The following CNTNAP5 variants were observed in gnomAD, a reference collection of about 807,000 sequenced individuals.
The protein encoded by CNTNAP5 is contactin associated protein family member 5, also known as contactin-associated protein-like 5.
In CNTNAP5, 72 loss-of-function variants were observed where a neutral mutation model predicts 150.2. The ratio of observed to expected loss-of-function variants is 0.48; its 90% CI spans 0.40 to 0.58. The LOEUF (loss-of-function observed/expected upper bound fraction) is 0.58. Ranked by LOEUF, CNTNAP5 falls within the 20% of genes least tolerant of loss-of-function variation. The pLI is 0.00. For missense variants in CNTNAP5, 1,636 were observed against 1,626.2 expected, an observed-to-expected ratio of 1.01 and a Z score of -0.10; for synonymous variants, 672 against 619.8, an observed-to-expected ratio of 1.08 and a Z score of -1.25.
chr2:124,786,818 T>C (rs1406967114), intron 17 of CNTNAP5, among the ~76,000 whole-genome samples: 1 of 152,088 alleles, frequency 6.6e-6, no homozygotes, highest in East Asian at 1.9e-4. Context: ...ACATAGTAGG[T>C]AAAAAGGGCC....
chr2:124,075,697 A>G (rs887215482), intron 1 of CNTNAP5, among the ~76,000 whole-genome samples: 1 of 152,122 alleles, frequency 6.6e-6, no homozygotes, highest in Non-Finnish European at 1.5e-5. Context: ...AAGCAACACA[A>G]CTACACATTT....
chr2:124,812,986 T>A (rs1682270677), intron 19 of CNTNAP5, among the ~76,000 whole-genome samples: 2 of 152,184 alleles, frequency 1.3e-5, no homozygotes, highest in African/African-American at 2.4e-5. Context: ...CTTGGCCACT[T>A]CTCAGTCTTC....
At chr2:124,523,915 A>T (rs1213168755) in intron 8 of CNTNAP5, among the ~76,000 whole-genome samples, 1 of 151,558 alleles carries the variant, frequency 6.6e-6, no homozygotes, top group Non-Finnish European at 1.5e-5. Flanking sequence ...TCTTAACTCT[A>T]CCACTCAGTT....
intron 3 of CNTNAP5, among the ~76,000 whole-genome samples, chr2:124,321,207 C>T (rs762533965): frequency 3.3e-5 from 5 of 151,958 alleles, no homozygotes; most frequent in East Asian, 1.9e-4. Flanking sequence ...TTTGAGAGGC[C>T]GAGGCAGGCG....
chr2:124,155,461 CGT>C (rs1356271271), intron 1 of CNTNAP5, among the ~76,000 whole-genome samples: 1 of 151,532 alleles, frequency 6.6e-6, no homozygotes. Flanking sequence ...TGTGTGCGCG[CGT>C]GTGTGGTGTG....
chr2:124,262,366 C>A (rs1687480614), intron 3 of CNTNAP5, among the ~76,000 whole-genome samples: 1 of 152,130 alleles, frequency 6.6e-6, no homozygotes, highest in South Asian at 2.1e-4. Context: ...ATTGTACACA[C>A]AATAAATCCA....
At chr2:124,448,160 C>A (rs1012106542) in intron 6 of CNTNAP5, among the ~76,000 whole-genome samples, 8 of 151,946 alleles carry the variant, frequency 5.3e-5, no homozygotes, top group Admixed American at 3.9e-4. Context: ...TCCTGATACT[C>A]AGGAGGCTGA....
chr2:124,556,446 T>C (rs1190961007), intron 10 of CNTNAP5, among the ~76,000 whole-genome samples: 1 of 152,186 alleles, frequency 6.6e-6, no homozygotes, highest in Non-Finnish European at 1.5e-5. Context: ...AAAAAAAGTT[T>C]GGTTAAAAAT....
At chr2:124,597,696 G>C (rs1696864627) in intron 11 of CNTNAP5, among the ~76,000 whole-genome samples, 1 of 151,684 alleles carries the variant, frequency 6.6e-6, no homozygotes, top group Non-Finnish European at 1.5e-5. Flanking sequence ...GGCCTGCCTT[G>C]CTAGATTGGA....
chr2:124,720,731 A>T (rs1420712890), intron 13 of CNTNAP5, among the ~76,000 whole-genome samples: 1 of 152,222 alleles, frequency 6.6e-6, no homozygotes, highest in African/African-American at 2.4e-5. Context: ...ACTTTGAATC[A>T]ATTTGCTATA....
At chr2:124,716,594 A>G (rs1287831675) in intron 13 of CNTNAP5, among the ~76,000 whole-genome samples, 1 of 147,930 alleles carries the variant, frequency 6.8e-6, no homozygotes, top group Non-Finnish European at 1.5e-5. Flanking sequence ...ATATAAGGGC[A>G]TTGAAAAACT....
At position 124,604,950 on chromosome 2, in the gene CNTNAP5, C is replaced by T. The variant is rs146397097; in HGVS notation, c.1757-4851C>T. On this transcript the variant is annotated intron_variant, in intron 11 of 23. Transcript: ENST00000682447. The stretch of plus-strand genomic sequence containing the variant: ...TAAAATCCATGTCTACCCTATTGAT[C>T]CATTTCATTTAGCTTCTTGGGATTT... 1.6e-3 allele frequency among the ~76,000 whole-genome samples: 247 copies of T among 152,278 alleles called. 2 individuals are homozygous for T. The highest frequency in any genetic ancestry group is 3.4e-3 in the Middle Eastern group (1 of 294).
intron 1 of CNTNAP5, among the ~76,000 whole-genome samples, chr2:124,189,336 T>A (rs946380226): frequency 6.6e-6 from 1 of 152,192 alleles, no homozygotes; most frequent in Admixed American, 6.5e-5. Context: ...TAAGCCTTGC[T>A]AGCCAGAATG....
At chr2:124,751,639 C>T (rs1680729867) in intron 14 of CNTNAP5, among the ~76,000 whole-genome samples, 1 of 152,208 alleles carries the variant, frequency 6.6e-6, no homozygotes, top group Admixed American at 6.5e-5. Flanking sequence ...TTGTTTTAGA[C>T]CACCACACCT....
chr2:124,193,709 C>A (rs1427307826), intron 1 of CNTNAP5, among the ~76,000 whole-genome samples: 2 of 152,144 alleles, frequency 1.3e-5, no homozygotes, highest in African/African-American at 4.8e-5. Context: ...CCTAGTATTT[C>A]TTTTCTTTAT....
At chr2:124,273,400 C>G (rs1022510733) in intron 3 of CNTNAP5, among the ~76,000 whole-genome samples, 7 of 152,116 alleles carry the variant, frequency 4.6e-5, no homozygotes, top group South Asian at 4.1e-4. Context: ...TCCAGGTTCC[C>G]CTTATTGAGT....
intron 3 of CNTNAP5, among the ~76,000 whole-genome samples, chr2:124,365,198 C>A (rs1457205346): frequency 2.6e-5 from 4 of 151,766 alleles, no homozygotes; most frequent in Non-Finnish European, 4.4e-5. Context: ...CAATTGTGGT[C>A]GCAGCTACTC....
At chr2:124,510,228 A>G (rs1458667692) in intron 8 of CNTNAP5, among the ~76,000 whole-genome samples, 1 of 74,326 alleles carries the variant, frequency 1.3e-5, no homozygotes, top group African/African-American at 4.7e-5. Context: ...AAAAAAGTAA[A>G]TTATATATCT....
chr2:124,112,965 C>T (rs75691405), intron 1 of CNTNAP5, among the ~76,000 whole-genome samples: 1 of 152,148 alleles, frequency 6.6e-6, no homozygotes, highest in East Asian at 1.9e-4. Flanking sequence ...ATTTCATACA[C>T]AATAGAAAGA....
Sources: allele counts gnomAD v4.1 joint callset (sites outside exome capture counted in the v4.1 genomes callset), GRCh38; gene constraint gnomAD v4.1.1; transcripts MANE v1.5; gene names NCBI Gene and HGNC (gene_info 2026-07-23, HGNC 2026-07-21).